The following CFAP43 variants were observed in gnomAD, a reference collection of about 807,000 sequenced individuals.
CFAP43 encodes cilia and flagella associated protein 43.
CFAP43 carries 155 observed loss-of-function variants against 218.9 expected under a neutral mutation model. The observed-to-expected ratio is 0.71, with a 90% CI of 0.62 to 0.81. The LOEUF (loss-of-function observed/expected upper bound fraction) is 0.81. Ranked by LOEUF, CFAP43 falls within the 30% of genes least tolerant of loss-of-function variation. The pLI is 0.00. For missense variants in CFAP43, 1,778 were observed against 1,954.3 expected, an observed-to-expected ratio of 0.91 and a Z score of 1.70; for synonymous variants, 645 against 681.3, an observed-to-expected ratio of 0.95 and a Z score of 0.83.
chr10:104,153,659 C>G (rs1418654755), intron 27 of CFAP43, among the ~76,000 whole-genome samples: 1 of 152,066 alleles, frequency 6.6e-6, no homozygotes, highest in South Asian at 2.1e-4. Flanking sequence ...TTTGATATAA[C>G]TTCAAACTTA....
intron 19 of CFAP43, 117 bp from the exon 20 acceptor site, chr10:104,172,652 A>C: frequency 5.9e-6 from 5 of 851,632 alleles, no homozygotes; most frequent in Non-Finnish European, 8.5e-6. Context: ...ATTTATCAAA[A>C]TGTACTACTA....
At chr10:104,131,296 C>T in intron 37 of CFAP43, 35 bp downstream of exon 37, 1 of 1,589,038 alleles carries the variant, frequency 6.3e-7, no homozygotes, top group Non-Finnish European at 8.5e-7. Flanking sequence ...TTTAAAGAAA[C>T]CTACAGTTGG....
intron 4 of CFAP43, among the ~76,000 whole-genome samples, chr10:104,213,145 A>G (rs113742473): frequency 4.6e-5 from 7 of 152,326 alleles, no homozygotes; most frequent in African/African-American, 9.6e-5. Context: ...TGGCTATTCA[A>G]TGGGTTACTG....
chr10:104,231,892 G>A (rs138085448), intron 1 of CFAP43, among the ~76,000 whole-genome samples: 1 of 152,220 alleles, frequency 6.6e-6, no homozygotes, highest in East Asian at 1.9e-4. Flanking sequence ...CTAGAAGGAA[G>A]AGATGAAGGG....
At chr10:104,217,942 C>T (rs1237082925) in intron 3 of CFAP43, among the ~76,000 whole-genome samples, 1 of 152,222 alleles carries the variant, frequency 6.6e-6, no homozygotes, top group African/African-American at 2.4e-5. Flanking sequence ...TAAATGAAAG[C>T]ATGTTCGAGT....
Position 104,152,605 on chromosome 10 carries a change from A to G in CFAP43, c.3660+2T>C, listed in dbSNP as rs776810457. Reference sequence around the variant, plus strand: ...AGTCACATAAGTAAAGCTTTTATTTACCTGGTTGGTAACCATCTCTGCCTT... The same window carrying G: ...AGTCACATAAGTAAAGCTTTTATTTGCCTGGTTGGTAACCATCTCTGCCTT... On this transcript the variant is annotated splice_donor_variant, in intron 28 of 37. Transcript: ENST00000357060. LOFTEE classifies it high-confidence loss of function. 13 of 1,613,098 alleles carry G rather than the reference A, an allele frequency of 8.1e-6. No individual in the cohort carries two copies. The highest frequency in any genetic ancestry group is 2.2e-5 in the East Asian group (1 of 44,882).
At chr10:104,147,750 G>T in intron 29 of CFAP43, 141 bp downstream of exon 29, 1 of 459,618 alleles carries the variant, frequency 2.2e-6, no homozygotes, top group Non-Finnish European at 3.7e-6. Flanking sequence ...CAAAGTTCCA[G>T]ACAGGGAGCC....
intron 12 of CFAP43, among the ~76,000 whole-genome samples, chr10:104,191,751 AT>A (rs1250343656): frequency 3.4e-5 from 5 of 146,762 alleles, no homozygotes; most frequent in African/African-American, 7.6e-5. Context: ...CAAAAAAAAA[AT>A]TTTTTTTAAG....
In CFAP43 at chr10:104,214,296, T is replaced by C. The variant is rs1451399564; in HGVS notation, c.547A>G (p.Ile183Val). The part of the protein sequence containing the change: ...SSPSTVSVWT[I>V]ERSNQEHCFR... The stretch of plus-strand genomic sequence containing the variant: ...CAATGCTCCTGGTTACTTCTTTCAA[T>C]GGTCCACACGCTCACTGTACTTGGA... Residue 183 changes from isoleucine (I) to valine (V), a missense_variant, in exon 4 of 38, where the codon ATT becomes GTT. Physicochemically the swap from Ile to Val is conservative, Grantham distance 29. Around this residue, in one of 3 missense-constraint regions of CFAP43, gnomAD observed 1,553 missense variants for 1,685.2 expected, o/e 0.92. Coordinates refer to ENST00000357060, the MANE Select transcript of CFAP43 (RefSeq NM_025145.7). 1 of 1,599,670 alleles carries C rather than the reference T, an allele frequency of 6.3e-7. No homozygotes were observed. Among genetic ancestry groups the C allele is most frequent in the Non-Finnish European group, 8.5e-7 (1 of 1,173,694 alleles).
At chr10:104,191,010 C>T (rs888904612) in intron 12 of CFAP43, among the ~76,000 whole-genome samples, 1 of 152,210 alleles carries the variant, frequency 6.6e-6, no homozygotes, top group Non-Finnish European at 1.5e-5. Context: ...ATACTGGCTA[C>T]CACATAGTCA....
At position 104,146,552 on chromosome 10, in the gene CFAP43, A is replaced by G. The variant is rs145190978; in HGVS notation, c.3769-203T>C. On this transcript the variant is annotated intron_variant, in intron 29 of 37. Coordinates refer to ENST00000357060, the MANE Select transcript of CFAP43 (RefSeq NM_025145.7). ...AACACCCAATCACCTGTTTCTAAGTACAGCCAACTCTGTGTATGAGTGTGT... is the reference window on the plus strand; with the variant it reads ...AACACCCAATCACCTGTTTCTAAGTGCAGCCAACTCTGTGTATGAGTGTGT... Among the ~76,000 whole-genome samples, 193 of 152,342 alleles carry G rather than the reference A, an allele frequency of 1.3e-3. 1 individual carries two copies. The highest frequency in any genetic ancestry group is 4.5e-3 in the African/African-American group (189 of 41,576).
chr10:104,140,097 A>C (rs547972354), intron 34 of CFAP43, among the ~76,000 whole-genome samples: 1 of 152,058 alleles, frequency 6.6e-6, no homozygotes, highest in South Asian at 2.1e-4. Flanking sequence ...AATTTGTAGA[A>C]TACAGATAAA....
At chr10:104,172,675 G>C in intron 19 of CFAP43, 140 bp from the exon 20 acceptor site, 1 of 744,538 alleles carries the variant, frequency 1.3e-6, no homozygotes, top group East Asian at 3.3e-5. Context: ...TAAATAATTA[G>C]ATTATGGGCT....
At chr10:104,164,366 C>T in intron 23 of CFAP43, 66 bp from the exon 24 acceptor site, 11 of 1,190,834 alleles carry the variant, frequency 9.2e-6, no homozygotes, top group Non-Finnish European at 1.3e-5. Flanking sequence ...CATGATCCCA[C>T]AATTATACTT....
chr10:104,142,773 A>C (rs1214021868), intron 32 of CFAP43, among the ~76,000 whole-genome samples: 1 of 152,174 alleles, frequency 6.6e-6, no homozygotes, highest in Non-Finnish European at 1.5e-5. Flanking sequence ...AACAAGAGGA[A>C]GGATTCTCTT....
chr10:104,145,234 G>A (rs759502685), intron 31 of CFAP43, among the ~76,000 whole-genome samples: 4 of 152,168 alleles, frequency 2.6e-5, no homozygotes, highest in Admixed American at 6.5e-5. Flanking sequence ...CAATAGTACC[G>A]TGCTTACACA....
Position 104,185,071 on chromosome 10 carries a change from G to C in CFAP43, c.2086C>G (p.Gln696Glu). ...TCTCTCCCATTCACCAGAATGTTTT[G>C]TCCATCCATTGAAATTCTCATTGAC... ...IQSMRISMDG[Q>E]NILVNGRDDG... Residue 696 changes from glutamine (Q) to glutamate (E), a missense_variant, in exon 16 of 38, where the codon CAA (glutamine) becomes GAA (glutamate). This residue lies in a region of CFAP43 where 1,553 missense variants were observed against 1,685.2 expected (regional missense o/e 0.92). Transcript: ENST00000357060. The C allele has an allele frequency of 1.2e-6, 2 of 1,614,058 alleles. No homozygotes were observed. Among genetic ancestry groups the C allele is most frequent in the Non-Finnish European group, 8.5e-7 (1 of 1,179,996 alleles).
At position 104,157,701 on chromosome 10, in the gene CFAP43, C is replaced by T. The variant is rs900931667; in HGVS notation, c.3540+3336G>A. Among the ~76,000 whole-genome samples, 7 of 146,040 alleles carry T rather than the reference C, an allele frequency of 4.8e-5. 1 individual carries two copies. The East Asian group carries it at 6.2e-4, about 13-fold the overall frequency. The stretch of plus-strand genomic sequence containing the variant: ...GAAAGAGAAAAGAACCCTGTGCTGT[C>T]GAATTGGAATTGAGTTGGAATTGGA... On this transcript the variant is annotated intron_variant, in intron 27 of 37. Coordinates refer to ENST00000357060, the MANE Select transcript of CFAP43 (RefSeq NM_025145.7).
At chr10:104,225,607 C>G (rs777012540) in intron 2 of CFAP43, 50 bp from the exon 3 acceptor site, 61 of 1,435,546 alleles carry the variant, frequency 4.2e-5, no homozygotes, top group Non-Finnish European at 5.3e-5. Flanking sequence ...AGACCATGTT[C>G]AGTTAACTAT....
Sources: gnomAD v4.1 joint callset for allele counts (sites outside exome capture counted in the v4.1 genomes callset) on GRCh38, gnomAD v4.1.1 for gene constraint, gnomAD v4.1.1 regional missense constraint, MANE v1.5 for transcripts, NCBI Gene and HGNC (gene_info 2026-07-23, HGNC 2026-07-21) for gene names.